SLC9C1: variants seen among roughly 807,000 people sequenced by gnomAD.
SLC9C1 encodes solute carrier family 9 member C1.
SLC9C1 carries 97 observed loss-of-function variants against 140.9 expected under a neutral mutation model. The ratio of observed to expected loss-of-function variants is 0.69; its 90% CI spans 0.58 to 0.82. The LOEUF is 0.82. Among genes scored for constraint, SLC9C1 ranks in the 40% least tolerant of loss-of-function variants. The probability of loss-of-function intolerance (pLI) is 0.00; values close to 1 mark genes in which losing one functional copy is unlikely to be tolerated. For synonymous variants in SLC9C1, 440 were observed against 442.6 expected (o/e 0.99, Z 0.07); for missense variants, 1,340 against 1,389.3 (o/e 0.96, Z 0.56).
chr3:112,280,240 T>C (rs2080320780), intron 3 of SLC9C1, among the ~76,000 whole-genome samples: 1 of 152,244 alleles, frequency 6.6e-6, no homozygotes, highest in Non-Finnish European at 1.5e-5. Flanking sequence ...CTTAAGAGAC[T>C]AGTTTCTCAT....
chr3:112,180,445 C>T (rs2077417705), intron 22 of SLC9C1, 119 bp downstream of exon 22: 1 of 654,972 alleles, frequency 1.5e-6, no homozygotes. Context: ...ATCACTTGAA[C>T]CCAGGAGGTG....
chr3:112,241,385 T>A (rs1422845589), intron 11 of SLC9C1, among the ~76,000 whole-genome samples: 3 of 152,100 alleles, frequency 2.0e-5, no homozygotes, highest in Non-Finnish European at 4.4e-5. Flanking sequence ...GGAATAGAGC[T>A]AACGAAGGAG....
At chr3:112,277,042 A>G (rs61213780) in intron 5 of SLC9C1, among the ~76,000 whole-genome samples, 2 of 152,242 alleles carry the variant, frequency 1.3e-5, no homozygotes, top group African/African-American at 4.8e-5. Context: ...CCATATTAAT[A>G]TTCTATTTTA....
rs2077949603 is a variant in SLC9C1 at position 112,203,083 on chromosome 3, AT to A, written c.2173-685del. On this transcript the variant is annotated intron_variant, in intron 17 of 28. Coordinates refer to ENST00000305815, the MANE Select transcript of SLC9C1 (RefSeq NM_183061.3). ...AATGAAGTCTTTTCTCATTCTGTGC[AT>A]ACTCCTGTTTTGCACTTATCCTACC... Among the ~76,000 whole-genome samples, 6 of 152,032 alleles carry A rather than the reference AT, an allele frequency of 3.9e-5. No homozygotes were observed. The South Asian group carries it at 1.0e-3, about 26-fold the overall frequency.
intron 13 of SLC9C1, among the ~76,000 whole-genome samples, chr3:112,225,245 GAC>G (rs1259871704): frequency 3.3e-5 from 5 of 151,942 alleles, no homozygotes; most frequent in Admixed American, 6.6e-5. Flanking sequence ...AGTGATGAAA[GAC>G]AAAAAAAACT....
chr3:112,239,380 A>G (rs2079079605), intron 12 of SLC9C1, among the ~76,000 whole-genome samples: 1 of 152,204 alleles, frequency 6.6e-6, no homozygotes. Context: ...ACGAAACGGA[A>G]TTCCCTGACC....
intron 12 of SLC9C1, among the ~76,000 whole-genome samples, chr3:112,237,967 G>A (rs1560108693): frequency 6.6e-6 from 1 of 151,950 alleles, no homozygotes; most frequent in Non-Finnish European, 1.5e-5. Flanking sequence ...GTATCTTTGT[G>A]GCATTCTCTG....
At chr3:112,216,401 C>A (rs2078369872) in intron 15 of SLC9C1, among the ~76,000 whole-genome samples, 1 of 152,106 alleles carries the variant, frequency 6.6e-6, no homozygotes, top group South Asian at 2.1e-4. Flanking sequence ...AAAGAAACTA[C>A]CATCAGAGTG....
At position 112,263,113 on chromosome 3, in the gene SLC9C1, A is replaced by G. The variant is rs1437187172; in HGVS notation, c.1023-15T>C. 1 of 1,548,908 alleles carries G rather than the reference A, an allele frequency of 6.5e-7. No homozygotes were observed. Among genetic ancestry groups the G allele is most frequent in the African/African-American group, 1.4e-5 (1 of 72,052 alleles). On this transcript the variant is annotated splice_polypyrimidine_tract_variant and intron_variant, in intron 9 of 28. Coordinates refer to ENST00000305815, the MANE Select transcript of SLC9C1 (RefSeq NM_183061.3). Reference sequence around the variant, plus strand: ...GGGTCAGAAATCTAAAAGACAAAACAATTTTTACAAAGTTATTCTTTCATA... The same window carrying G: ...GGGTCAGAAATCTAAAAGACAAAACGATTTTTACAAAGTTATTCTTTCATA...
At chr3:112,170,943 G>A (rs1409913473) in intron 23 of SLC9C1, among the ~76,000 whole-genome samples, 1 of 152,218 alleles carries the variant, frequency 6.6e-6, no homozygotes, top group African/African-American at 2.4e-5. Context: ...GCTGGGCGTG[G>A]TGGCTCATGC....
intron 12 of SLC9C1, among the ~76,000 whole-genome samples, chr3:112,233,151 C>T (rs886164170): frequency 2.6e-5 from 4 of 151,378 alleles, no homozygotes; most frequent in Non-Finnish European, 2.9e-5. Flanking sequence ...TCACCACAGC[C>T]TCAACCTCCC....
intron 20 of SLC9C1, among the ~76,000 whole-genome samples, chr3:112,194,904 A>G (rs1186301278): frequency 2.0e-5 from 3 of 151,878 alleles, no homozygotes; most frequent in African/African-American, 7.3e-5. Flanking sequence ...CAAACTCATT[A>G]TATTTTCATG....
rs1348005458 is a variant in SLC9C1, at chr3:112,150,809, TAA to T, written c.3524+1046_3524+1047del. 3.3e-3 allele frequency among the ~76,000 whole-genome samples: 328 copies of T among 98,796 alleles called. 1 individual carries two copies. Among genetic ancestry groups the T allele is most frequent in the South Asian group, 7.0e-3 (22 of 3,140 alleles). 64.8% of individuals were successfully genotyped at this position (98,796 alleles called of 152,430 possible). A position where few individuals can be genotyped will look rare whatever the true frequency, so the allele number is the denominator to read the frequency against. Reference sequence around the variant, plus strand: ...ATACATATACATATATATATATATATAAATACATATACATATATATATATATA... The same window carrying T: ...ATACATATACATATATATATATATATATACATATACATATATATATATATA... On this transcript the variant is annotated intron_variant, in intron 28 of 28. Transcript: ENST00000305815.
At chr3:112,251,266 T>A (rs944160821) in intron 10 of SLC9C1, among the ~76,000 whole-genome samples, 1 of 150,526 alleles carries the variant, frequency 6.6e-6, no homozygotes, top group Non-Finnish European at 1.5e-5. Flanking sequence ...CACCTAGGAG[T>A]GACACAGAGT....
Position 112,168,927 on chromosome 3 carries a change from A to G in SLC9C1, c.3187T>C (p.Leu1063=). ...AAAGGTGCTCTATAAGTTTTTCGTA[A>G]CAGACAATCTTCTACAGCTCCATGT... ...LIHGAVEDCL[L]RKTYRAPFLI... Residue 1063 remains leucine, a synonymous_variant, in exon 25 of 29, where the codon TTA becomes CTA. Coordinates refer to ENST00000305815, the MANE Select transcript of SLC9C1 (RefSeq NM_183061.3). 6.2e-7 allele frequency: 1 copy of G among 1,605,156 alleles called. No individual in the cohort carries two copies. The highest frequency in any genetic ancestry group is 8.5e-7 in the Non-Finnish European group (1 of 1,177,598).
intron 13 of SLC9C1, among the ~76,000 whole-genome samples, chr3:112,227,078 G>A (rs1255042601): frequency 6.6e-6 from 1 of 151,990 alleles, no homozygotes; most frequent in African/African-American, 2.4e-5. Context: ...AAAACCTGGG[G>A]GGAATGGATA....
At chr3:112,215,777 T>C (rs993068575) in intron 15 of SLC9C1, among the ~76,000 whole-genome samples, 2 of 152,196 alleles carry the variant, frequency 1.3e-5, no homozygotes, top group African/African-American at 4.8e-5. Flanking sequence ...ATGGTCATAC[T>C]GCCCAAGGTA....
chr3:112,273,170 T>C (rs2080121894), intron 6 of SLC9C1, among the ~76,000 whole-genome samples: 1 of 152,062 alleles, frequency 6.6e-6, no homozygotes, highest in Admixed American at 6.6e-5. Context: ...TTTAAAAAGC[T>C]TCTGAATATA....
At chr3:112,255,960 A>C (rs1373663477) in intron 10 of SLC9C1, among the ~76,000 whole-genome samples, 1 of 152,202 alleles carries the variant, frequency 6.6e-6, no homozygotes, top group Non-Finnish European at 1.5e-5. Flanking sequence ...ACCCCTATGC[A>C]CACAAACTAG....
Sources: allele counts gnomAD v4.1 joint callset (sites outside exome capture counted in the v4.1 genomes callset), GRCh38; gene constraint gnomAD v4.1.1; transcripts MANE v1.5; gene names NCBI Gene and HGNC (gene_info 2026-07-23, HGNC 2026-07-21).